Variants in ING5 observed in about 807,000 individuals in gnomAD.
ING5 encodes inhibitor of growth family member 5, also known as inhibitor of growth protein 5.
ING5 carries 17 observed loss-of-function variants against 37.4 expected under a neutral mutation model. That is an observed-to-expected ratio of 0.45 (90% confidence interval 0.31 to 0.68). The LOEUF (loss-of-function observed/expected upper bound fraction) is 0.68, where lower values mean the gene tolerates loss of function less well. Among genes scored for constraint, ING5 ranks in the 30% least tolerant of loss-of-function variants. ING5 has a pLI of 0.05. For missense variants in ING5, 233 were observed against 311.9 expected (o/e 0.75, Z 1.91); for synonymous variants, 123 against 116.6 (o/e 1.06, Z -0.36).
rs1318195452 is a variant in ING5, at chr2:241,729,276, T to C, written c.*4245T>C. On this transcript the variant is annotated 3_prime_UTR_variant, in exon 8 of 8. Transcript: ENST00000313552. ...TTTGTGGTGTCCACCTTTAACCACG[T>C]TTCATCCAAAACGATGATGCAGCTT... 1 of 152,690 alleles carries C rather than the reference T, an allele frequency of 6.5e-6. No homozygotes were observed. The highest frequency in any genetic ancestry group is 2.4e-5 in the African/African-American group (1 of 41,468). The allele number at this position is 152,690 out of a possible 1,614,324, so 9.5% of individuals were successfully genotyped here. A position where few individuals can be genotyped will look rare whatever the true frequency, so the allele number is the denominator to read the frequency against.
chr2:241,693,159 T>G (rs1003916973), intron 2 of ING5, among the ~76,000 whole-genome samples: 1 of 147,066 alleles, frequency 6.8e-6, no homozygotes, highest in Admixed American at 7.1e-5. Flanking sequence ...CTCAGGAGGC[T>G]GAGGCAGGAG....
chr2:241,728,163 C>T lies in ING5; in HGVS notation c.*3132C>T, dbSNP rs1691694812. The T allele has an allele frequency of 1.3e-5, 2 of 152,310 alleles. No homozygotes were observed. The highest frequency in any genetic ancestry group is 4.8e-5 in the African/African-American group (2 of 41,480). 9.4% of individuals were successfully genotyped at this position (152,310 alleles called of 1,614,324 possible). On this transcript the variant is annotated 3_prime_UTR_variant, in exon 8 of 8. Coordinates refer to ENST00000313552, the MANE Select transcript of ING5 (RefSeq NM_032329.6). ...ACGCTGTCTACCCGTGGGAGAGACA[C>T]ACTCAGGAGTGGCCGTTTGGCCAGA...
intron 5 of ING5, among the ~76,000 whole-genome samples, chr2:241,716,828 T>C (rs1034281176): frequency 2.0e-5 from 3 of 152,180 alleles, no homozygotes; most frequent in Non-Finnish European, 4.4e-5. Flanking sequence ...ATATGTGGAA[T>C]GTAAAGATGT....
upstream of ING5, among the ~76,000 whole-genome samples, chr2:241,699,826 AC>A (rs943876889): frequency 6.6e-6 from 1 of 151,978 alleles, no homozygotes; most frequent in African/African-American, 2.4e-5. Context: ...CCCATGAAAG[AC>A]CTGCCAGAGA....
In ING5 at chr2:241,712,081, T is replaced by C; in HGVS notation, c.482+10T>C. The C allele has an allele frequency of 6.3e-7, 1 of 1,576,036 alleles. No individual in the cohort carries two copies. Among genetic ancestry groups the C allele is most frequent in the Non-Finnish European group, 8.6e-7 (1 of 1,159,484 alleles). ...AGAAGCACAAAGGAGGGTAAGAGGC[T>C]TTCCCCTCTTTTTCCCAAAAGAACG... On this transcript the variant is annotated intron_variant, in intron 5 of 7. Coordinates refer to ENST00000313552, the MANE Select transcript of ING5 (RefSeq NM_032329.6).
chr2:241,712,167 G>A lies in ING5; in HGVS notation c.482+96G>A, dbSNP rs2070130693. 3.0e-6 allele frequency: 3 copies of A among 984,092 alleles called. No individual in the cohort carries two copies. In the Admixed American group the frequency reaches 8.3e-5, roughly 27 times the overall value. 61.0% of individuals were successfully genotyped at this position (984,092 alleles called of 1,614,324 possible). Reference sequence around the variant, plus strand: ...TGATGGAAGCTGACCCGAGTGAAGTGCACCCCGTGTGCCGGGTGGTATTCT... The same window carrying A: ...TGATGGAAGCTGACCCGAGTGAAGTACACCCCGTGTGCCGGGTGGTATTCT... On this transcript the variant is annotated intron_variant, in intron 5 of 7. Transcript: ENST00000313552.
At chr2:241,693,015 CT>C (rs2069576954) in intron 2 of ING5, among the ~76,000 whole-genome samples, 2 of 152,044 alleles carry the variant, frequency 1.3e-5, no homozygotes, top group African/African-American at 4.8e-5. Context: ...AATCTCAGCA[CT>C]TTGGGAGGCA....
chr2:241,702,008 C>A (rs2069740425), upstream of ING5: 1 of 1,278,474 alleles, frequency 7.8e-7, no homozygotes. Context: ...ACCGCCCCGC[C>A]CCCGCCTCCC....
At chr2:241,721,621 C>A in intron 5 of ING5, 1 of 985,478 alleles carries the variant, frequency 1.0e-6, no homozygotes, top group East Asian at 1.1e-4. Context: ...GACTGTTTTT[C>A]TCACGGCCAC....
chr2:241,717,245 A>G (rs147219231), intron 5 of ING5, among the ~76,000 whole-genome samples: 18 of 151,882 alleles, frequency 1.2e-4, no homozygotes, highest in Non-Finnish European at 2.4e-4. Context: ...TAATTTTTGT[A>G]TTTTTAGTAG....
chr2:241,720,310 A>T (rs2070398875), intron 5 of ING5: 2 of 1,222,964 alleles, frequency 1.6e-6, no homozygotes, highest in Non-Finnish European at 1.0e-6. Context: ...CTGTGGTGCC[A>T]GGCCGCTCTG....
chr2:241,703,825 T>C (rs1366812725), intron 1 of ING5, among the ~76,000 whole-genome samples: 1 of 152,118 alleles, frequency 6.6e-6, no homozygotes, highest in Non-Finnish European at 1.5e-5. Context: ...AGGCTGGTCT[T>C]GAACTCCTGA....
chr2:241,702,982 A>G (rs2069791355), intron 1 of ING5, among the ~76,000 whole-genome samples: 1 of 152,086 alleles, frequency 6.6e-6, no homozygotes, highest in Admixed American at 6.5e-5. Flanking sequence ...CCAGGGGCTG[A>G]GACAGTGGCG....
chr2:241,693,263 A>AG (rs1362403710), intron 2 of ING5, among the ~76,000 whole-genome samples: 1 of 151,676 alleles, frequency 6.6e-6, no homozygotes, highest in African/African-American at 2.4e-5. Context: ...AAAAAAAAAA[A>AG]AAAAAAAAAG....
At chr2:241,723,422 G>A in intron 7 of ING5, 151 bp downstream of exon 7, 1 of 878,150 alleles carries the variant, frequency 1.1e-6, no homozygotes, top group Non-Finnish European at 1.9e-6. Flanking sequence ...GCCTCAAGGA[G>A]TGTGGCTGGC....
intron 2 of ING5, among the ~76,000 whole-genome samples, chr2:241,691,303 G>C (rs2069550892): frequency 6.6e-6 from 1 of 151,958 alleles, no homozygotes; most frequent in South Asian, 2.1e-4. Flanking sequence ...GCTGGGTGTG[G>C]TGGCACATGC....
At chr2:241,718,330 TC>T (rs2070332397) in intron 5 of ING5, among the ~76,000 whole-genome samples, 2 of 145,036 alleles carry the variant, frequency 1.4e-5, no homozygotes, top group Non-Finnish European at 3.0e-5. Context: ...CCTTCCTCCC[TC>T]CCTCCCTCAC....
At chr2:241,708,172 A>AC (rs1362131827) in intron 2 of ING5, among the ~76,000 whole-genome samples, 1 of 151,312 alleles carries the variant, frequency 6.6e-6, no homozygotes, top group African/African-American at 2.4e-5. Flanking sequence ...CTGGGATCAC[A>AC]GGCGTGAGCC....
intron 4 of ING5, 111 bp downstream of exon 4, chr2:241,711,599 T>C: frequency 1.2e-6 from 1 of 827,426 alleles, no homozygotes; most frequent in Non-Finnish European, 1.9e-6. Context: ...GTATCATATT[T>C]GGGTAAACCT....
Sources: gnomAD v4.1 joint callset for allele counts (sites outside exome capture counted in the v4.1 genomes callset) on GRCh38, gnomAD v4.1.1 for gene constraint, MANE v1.5 for transcripts, NCBI Gene and HGNC (gene_info 2026-07-23, HGNC 2026-07-21) for gene names.